FOXP2: variants seen among roughly 807,000 people sequenced by gnomAD.
FOXP2 encodes the protein forkhead box P2, also known as forkhead box protein P2.
In FOXP2, 12 loss-of-function variants were observed where a neutral mutation model predicts 115.8. The observed-to-expected ratio is 0.10, with a 90% CI of 0.07 to 0.17. FOXP2 has a LOEUF of 0.17. FOXP2 is among the 10% of genes least tolerant of loss of function. The probability of loss-of-function intolerance (pLI) is 1.00; values close to 1 mark genes in which losing one functional copy is unlikely to be tolerated. For synonymous variants in FOXP2, 328 were observed against 297.7 expected, an observed-to-expected ratio of 1.10 and a Z score of -1.05; for missense variants, 629 against 843.5, an observed-to-expected ratio of 0.75 and a Z score of 3.15.
At chr7:114,631,134 C>T (rs930724059) in intron 5 of FOXP2, 2 of 262,566 alleles carry the variant, frequency 7.6e-6, no homozygotes, top group Non-Finnish European at 1.5e-5. Flanking sequence ...CATTCATGGA[C>T]CTCTGCAGAT....
At chr7:114,404,335 G>A (rs1054658869) in intron 2 of FOXP2, among the ~76,000 whole-genome samples, 1 of 152,032 alleles carries the variant, frequency 6.6e-6, no homozygotes, top group African/African-American at 2.4e-5. Context: ...ACTTATAAAC[G>A]TTTGTAACGG....
chr7:114,390,249 A>G (rs1792560138), intron 2 of FOXP2, among the ~76,000 whole-genome samples: 1 of 152,130 alleles, frequency 6.6e-6, no homozygotes. Flanking sequence ...AAAATGAAAT[A>G]TAACAAAATG....
At chr7:114,345,758 T>G (rs1228342058) in intron 2 of FOXP2, among the ~76,000 whole-genome samples, 1 of 151,766 alleles carries the variant, frequency 6.6e-6, no homozygotes, top group African/African-American at 2.4e-5. Flanking sequence ...TTGTGGCTTT[T>G]GAGGGTGTGA....
chr7:114,686,746 A>C (rs182846314), intron 16 of FOXP2, among the ~76,000 whole-genome samples: 80 of 152,214 alleles, frequency 5.3e-4, no homozygotes, highest in African/African-American at 1.9e-3. Flanking sequence ...AAAATCTAAA[A>C]ATTTTGTGTG....
At chr7:114,136,122 T>C (rs1792031578) in intron 1 of FOXP2, among the ~76,000 whole-genome samples, 1 of 152,112 alleles carries the variant, frequency 6.6e-6, no homozygotes, top group African/African-American at 2.4e-5. Flanking sequence ...CATTCTCTTC[T>C]TGCTACTATA....
At chr7:114,567,726 G>C (rs1801094732) in intron 3 of FOXP2, among the ~76,000 whole-genome samples, 1 of 152,008 alleles carries the variant, frequency 6.6e-6, no homozygotes. Flanking sequence ...TATTCATCTT[G>C]CTACTTCTTT....
chr7:114,664,354 G>A lies in FOXP2; in HGVS notation c.1921G>A (p.Val641Ile), dbSNP rs745987986. The A allele has an allele frequency of 1.2e-5, 20 of 1,613,492 alleles. No homozygotes were observed. Among genetic ancestry groups the A allele is most frequent in the East Asian group, 2.2e-5 (1 of 44,878 alleles). The change falls in exon 16 of 17, where the codon GTC becomes ATC. Residue 641 changes from valine (V) to isoleucine (I), a missense_variant. Physicochemically the swap from Val to Ile is conservative, Grantham distance 29. Transcript: ENST00000350908. ...NNASSGLLQA[V>I]HEDLNGSLDH... ...TGCATCCAGTGGCCTACTGCAGGCC[G>A]TCCACGAAGACCTCAATGGTTCTCT...
At chr7:114,088,982 A>T (rs1163912454) in intron 1 of FOXP2, among the ~76,000 whole-genome samples, 1 of 152,214 alleles carries the variant, frequency 6.6e-6, no homozygotes, top group East Asian at 1.9e-4. Context: ...GAGTGGGTAT[A>T]AAATTCTGTA....
chr7:114,530,893 C>T (rs1799112170), intron 2 of FOXP2, among the ~76,000 whole-genome samples: 1 of 151,644 alleles, frequency 6.6e-6, no homozygotes, highest in Non-Finnish European at 1.5e-5. Flanking sequence ...ATGTGCATTC[C>T]CACATCTCTG....
At chr7:114,476,102 T>C (rs1796246569) in intron 2 of FOXP2, among the ~76,000 whole-genome samples, 1 of 151,696 alleles carries the variant, frequency 6.6e-6, no homozygotes, top group African/African-American at 2.4e-5. Context: ...TTTTTTTTTT[T>C]CTGCAGAAGC....
chr7:114,474,393 A>T (rs1796169570), intron 2 of FOXP2, among the ~76,000 whole-genome samples: 1 of 152,290 alleles, frequency 6.6e-6, no homozygotes, highest in South Asian at 2.1e-4. Context: ...AACAAAATGA[A>T]TGAGAAAAAG....
chr7:114,668,993 T>C (rs1807339840), intron 16 of FOXP2: 1 of 152,076 alleles, frequency 6.6e-6, no homozygotes, highest in Non-Finnish European at 1.5e-5. Flanking sequence ...TGTTCATTTT[T>C]ATGTGGGAGC....
chr7:114,521,532 CAA>C (rs34666914), intron 2 of FOXP2, among the ~76,000 whole-genome samples: 5 of 82,060 alleles, frequency 6.1e-5, no homozygotes, highest in African/African-American at 1.4e-4. Flanking sequence ...GACACTGTCT[CAA>C]AAAAAAAAAA....
intron 3 of FOXP2, among the ~76,000 whole-genome samples, chr7:114,617,402 T>G (rs1359814268): frequency 2.0e-5 from 3 of 152,238 alleles, no homozygotes; most frequent in Non-Finnish European, 4.4e-5. Context: ...ACCAATCTCC[T>G]AACCAGCATT....
At chr7:114,615,509 A>G (rs1174477890) in intron 3 of FOXP2, among the ~76,000 whole-genome samples, 1 of 152,170 alleles carries the variant, frequency 6.6e-6, no homozygotes, top group Non-Finnish European at 1.5e-5. Flanking sequence ...TTCTTAAAAC[A>G]TTCTTTTGGC....
intron 3 of FOXP2, among the ~76,000 whole-genome samples, chr7:114,587,956 A>G (rs555645234): frequency 7.4e-5 from 11 of 148,528 alleles, no homozygotes; most frequent in Admixed American, 2.1e-4. Flanking sequence ...TATTTATTTT[A>G]AGCTCATTCA....
rs138807427 is a variant in FOXP2 at position 114,281,971 on chromosome 7, A to C, written c.-101-6048A>C. Among the ~76,000 whole-genome samples, 401 of 152,292 alleles carry C rather than the reference A, an allele frequency of 2.6e-3. 3 individuals are homozygous for C. Among genetic ancestry groups the C allele is most frequent in the African/African-American group, 9.3e-3 (386 of 41,572 alleles). On this transcript the variant is annotated intron_variant, in intron 1 of 17. Transcript: ENST00000634411. ...TCAGTCAGGCAAGAATAAAGCTTAC[A>C]TAGGCCCCACTCTGTACAGATAATG...
intron 1 of FOXP2, among the ~76,000 whole-genome samples, chr7:114,254,834 G>A (rs1330296134): frequency 5.9e-5 from 9 of 152,284 alleles, no homozygotes; most frequent in East Asian, 1.9e-4. Flanking sequence ...CATTGCTGGC[G>A]AGGAGCTGCG....
intron 2 of FOXP2, among the ~76,000 whole-genome samples, chr7:114,455,443 G>C (rs998438325): frequency 6.6e-6 from 1 of 152,120 alleles, no homozygotes; most frequent in Non-Finnish European, 1.5e-5. Context: ...TGATTTTCAG[G>C]CACTGTTGGT....
Sources: allele counts gnomAD v4.1 joint callset (sites outside exome capture counted in the v4.1 genomes callset), GRCh38; gene constraint gnomAD v4.1.1; transcripts MANE v1.5; gene names NCBI Gene and HGNC (gene_info 2026-07-23, HGNC 2026-07-21).